FOXN3: variants seen among roughly 807,000 people sequenced by gnomAD.
The protein encoded by FOXN3 is forkhead box N3.
FOXN3 carries 7 observed loss-of-function variants against 38.4 expected under a neutral mutation model. That is an observed-to-expected ratio of 0.18 (90% CI 0.10 to 0.34). FOXN3 has a LOEUF of 0.34. Ranked by LOEUF, FOXN3 falls within the 10% of genes least tolerant of loss-of-function variation. The pLI, the probability that FOXN3 is intolerant of heterozygous loss-of-function variation, is 1.00. For synonymous variants in FOXN3, 230 were observed against 242.2 expected (o/e 0.95, Z 0.47); for missense variants, 456 against 613.4 (o/e 0.74, Z 2.71).
chr14:89,564,801 T>C (rs1448433303), intron 1 of FOXN3, among the ~76,000 whole-genome samples: 2 of 151,920 alleles, frequency 1.3e-5, no homozygotes, highest in Non-Finnish European at 2.9e-5. Context: ...GACAATGTCC[T>C]CATAAAAAAA....
chr14:89,304,187 C>G (rs1482912588), intron 3 of FOXN3, among the ~76,000 whole-genome samples: 3 of 152,152 alleles, frequency 2.0e-5, no homozygotes, highest in Admixed American at 2.0e-4. Context: ...CACACTCCAG[C>G]GTGTTTACAT....
intron 1 of FOXN3, among the ~76,000 whole-genome samples, chr14:89,483,394 C>T (rs1270840032): frequency 6.6e-6 from 1 of 152,094 alleles, no homozygotes; most frequent in Non-Finnish European, 1.5e-5. Flanking sequence ...TTTTGTTGTA[C>T]TAAGCCCCTG....
chr14:89,480,155 T>C (rs1893292013), intron 1 of FOXN3, among the ~76,000 whole-genome samples: 1 of 152,134 alleles, frequency 6.6e-6, no homozygotes, highest in Non-Finnish European at 1.5e-5. Flanking sequence ...AAATACAGGA[T>C]TCTAGCCTCT....
intron 1 of FOXN3, among the ~76,000 whole-genome samples, chr14:89,586,006 A>C (rs181622022): frequency 1.3e-5 from 2 of 152,118 alleles, no homozygotes; most frequent in African/African-American, 4.8e-5. Flanking sequence ...ATGGGATCGT[A>C]GCCCATCTCA....
chr14:89,530,279 C>T (rs1322670267), intron 1 of FOXN3, among the ~76,000 whole-genome samples: 1 of 152,136 alleles, frequency 6.6e-6, no homozygotes, highest in Non-Finnish European at 1.5e-5. Context: ...GTTTAATGGA[C>T]TCACAGTTCC....
chr14:89,286,002 G>A (rs1361904228), intron 3 of FOXN3, among the ~76,000 whole-genome samples: 1 of 151,906 alleles, frequency 6.6e-6, no homozygotes, highest in Admixed American at 6.6e-5. Flanking sequence ...GAGTAGCTGG[G>A]ACTACAGGCA....
chr14:89,226,921 G>C (rs1319049373), intron 4 of FOXN3, among the ~76,000 whole-genome samples: 3 of 152,120 alleles, frequency 2.0e-5, no homozygotes, highest in Non-Finnish European at 2.9e-5. Flanking sequence ...CCTTCGAGGG[G>C]GACACAGCCC....
chr14:89,561,706 A>C (rs1376024976), intron 1 of FOXN3, among the ~76,000 whole-genome samples: 1 of 152,176 alleles, frequency 6.6e-6, no homozygotes, highest in Non-Finnish European at 1.5e-5. Context: ...GTGTAGGAAA[A>C]GGAGTTCCAG....
chr14:89,360,741 A>ACTACCT (rs1889477598), intron 2 of FOXN3, among the ~76,000 whole-genome samples: 1 of 122,774 alleles, frequency 8.1e-6, no homozygotes, highest in Admixed American at 7.7e-5. Context: ...CACCTCCAGC[A>ACTACCT]CCACCTCCAC....
At chr14:89,171,605 T>C (rs527790211) in intron 5 of FOXN3, among the ~76,000 whole-genome samples, 2 of 152,188 alleles carry the variant, frequency 1.3e-5, no homozygotes, top group Non-Finnish European at 2.9e-5. Context: ...GACAAATTTA[T>C]AGTATAATTC....
intron 1 of FOXN3, among the ~76,000 whole-genome samples, chr14:89,512,345 G>A (rs1372110019): frequency 1.3e-5 from 2 of 152,202 alleles, no homozygotes; most frequent in African/African-American, 2.4e-5. Context: ...GGTAGGGAGA[G>A]GGGCTTTATA....
chr14:89,443,264 G>A (rs923626474), intron 1 of FOXN3, among the ~76,000 whole-genome samples: 1 of 152,216 alleles, frequency 6.6e-6, no homozygotes. Context: ...TGAAGGGAAA[G>A]AGGTCCTCCC....
chr14:89,369,636 T>C (rs1230946400), intron 2 of FOXN3, among the ~76,000 whole-genome samples: 2 of 152,098 alleles, frequency 1.3e-5, no homozygotes, highest in Admixed American at 6.6e-5. Flanking sequence ...GCAAAAGGCA[T>C]GTCTTACATG....
chr14:89,342,540 C>T (rs1388486460), intron 3 of FOXN3, among the ~76,000 whole-genome samples: 2 of 152,240 alleles, frequency 1.3e-5, no homozygotes, highest in Non-Finnish European at 2.9e-5. Flanking sequence ...AAAGCTCCCA[C>T]TGTCAATGAG....
chr14:89,369,122 C>T (rs1890238860), intron 2 of FOXN3, among the ~76,000 whole-genome samples: 1 of 152,200 alleles, frequency 6.6e-6, no homozygotes, highest in Admixed American at 6.5e-5. Context: ...TCCAGGAACA[C>T]ACATGGATAC....
intron 3 of FOXN3, among the ~76,000 whole-genome samples, chr14:89,348,886 T>G (rs1323114401): frequency 6.6e-6 from 1 of 152,114 alleles, no homozygotes; most frequent in Non-Finnish European, 1.5e-5. Context: ...ATCCTTCGAA[T>G]TATTAAATAA....
rs747678827 is a variant in FOXN3 at position 89,350,791 on chromosome 14, C to T, written c.561G>A (p.Ser187=). ...TATACTCTGGGTCTATGCACCACAA[C>T]GACCCTTTCCCAATACTCTGCAAAG... ...KERSQSIGKG[S]LWCIDPEYRQ... The change falls in exon 3 of 6, where the codon TCG becomes TCA. Residue 187 remains serine, a synonymous_variant. Transcript: ENST00000557258. 34 of 1,569,292 alleles carry T rather than the reference C, an allele frequency of 2.2e-5. No homozygotes were observed. The highest frequency in any genetic ancestry group is 9.5e-5 in the East Asian group (4 of 42,214).
chr14:89,232,354 C>A (rs1884837932), intron 4 of FOXN3, among the ~76,000 whole-genome samples: 2 of 152,208 alleles, frequency 1.3e-5, no homozygotes, highest in South Asian at 4.1e-4. Flanking sequence ...GACCAATAGA[C>A]CCCGAGTGCT....
intron 4 of FOXN3, among the ~76,000 whole-genome samples, chr14:89,188,030 C>A (rs776314019): frequency 1.3e-5 from 2 of 152,158 alleles, no homozygotes; most frequent in Non-Finnish European, 2.9e-5. Context: ...CCTTTGTAGG[C>A]ACCCCGGGTT....
Sources: gnomAD v4.1 joint callset for allele counts (sites outside exome capture counted in the v4.1 genomes callset) on GRCh38, gnomAD v4.1.1 for gene constraint, MANE v1.5 for transcripts, NCBI Gene and HGNC (gene_info 2026-07-23, HGNC 2026-07-21) for gene names.